The following CHST9 variants were observed in gnomAD, a reference collection of about 807,000 sequenced individuals.
CHST9 encodes carbohydrate sulfotransferase 9.
A neutral mutation model predicts 44.4 loss-of-function variants in CHST9; 41 were observed. That is an observed-to-expected ratio of 0.92 (90% CI 0.72 to 1.20). The LOEUF (loss-of-function observed/expected upper bound fraction) is 1.20, where lower values mean the gene tolerates loss of function less well. Ranked by LOEUF, CHST9 falls within the 50% of genes most tolerant of loss-of-function variation. The pLI is 0.00. For missense variants in CHST9, 504 were observed against 516.5 expected, an observed-to-expected ratio of 0.98 and a Z score of 0.23; for synonymous variants, 171 against 178.4, an observed-to-expected ratio of 0.96 and a Z score of 0.33.
intron 1 of CHST9, among the ~76,000 whole-genome samples, chr18:27,150,142 G>A (rs1223243510): frequency 7.8e-6 from 1 of 128,286 alleles, no homozygotes; most frequent in Non-Finnish European, 1.7e-5. Context: ...TTTTCTCTTT[G>A]TCACTTCCTT....
At chr18:27,000,905 C>T (rs74689581) in intron 4 of CHST9, among the ~76,000 whole-genome samples, 9,601 of 152,246 alleles carry the variant, frequency 0.063, 448 homozygotes, top group Middle Eastern at 0.13. Flanking sequence ...CCCCCCATCT[C>T]TGAATTGTCT....
intron 4 of CHST9, among the ~76,000 whole-genome samples, chr18:26,999,099 G>A (rs1290186649): frequency 6.6e-6 from 1 of 152,184 alleles, no homozygotes. Context: ...AATTAGGATG[G>A]ACAGCCTTTC....
At chr18:27,134,104 A>G (rs536074358) in intron 2 of CHST9, among the ~76,000 whole-genome samples, 1 of 152,336 alleles carries the variant, frequency 6.6e-6, no homozygotes, top group Admixed American at 6.5e-5. Context: ...GAAAGAAAAT[A>G]CAATTTCAAA....
chr18:27,132,813 A>G (rs2058483092), intron 2 of CHST9, among the ~76,000 whole-genome samples: 1 of 152,166 alleles, frequency 6.6e-6, no homozygotes, highest in Admixed American at 6.5e-5. Context: ...CTGGGAGTAA[A>G]TGGATCAAGG....
chr18:27,165,043 G>C (rs1944951365), intron 1 of CHST9, among the ~76,000 whole-genome samples: 1 of 152,168 alleles, frequency 6.6e-6, no homozygotes, highest in Non-Finnish European at 1.5e-5. Context: ...AAAGGAGAGA[G>C]AGAAAAGAAA....
chr18:27,138,198 T>C (rs190707612), intron 2 of CHST9, among the ~76,000 whole-genome samples: 1 of 152,330 alleles, frequency 6.6e-6, no homozygotes, highest in Admixed American at 6.5e-5. Flanking sequence ...TTTTCTCCCT[T>C]ACAATTCATT....
chr18:27,124,749 G>C (rs958743546), intron 2 of CHST9, among the ~76,000 whole-genome samples: 6 of 152,136 alleles, frequency 3.9e-5, no homozygotes, highest in African/African-American at 4.8e-5. Context: ...TCTGCCACTG[G>C]TTCAGTGAAT....
intron 2 of CHST9, among the ~76,000 whole-genome samples, chr18:27,055,460 G>C (rs1459312732): frequency 6.6e-6 from 1 of 152,144 alleles, no homozygotes; most frequent in Non-Finnish European, 1.5e-5. Context: ...GAAGGAGCTT[G>C]AAATGCTTCA....
intron 2 of CHST9, among the ~76,000 whole-genome samples, chr18:27,100,657 AT>A (rs2058162271): frequency 6.6e-6 from 1 of 152,234 alleles, no homozygotes; most frequent in African/African-American, 2.4e-5. Flanking sequence ...TAAATAAAAA[AT>A]AAGTTAATGT....
chr18:27,120,447 C>G (rs2058365182), intron 2 of CHST9, among the ~76,000 whole-genome samples: 1 of 152,096 alleles, frequency 6.6e-6, no homozygotes, highest in Non-Finnish European at 1.5e-5. Context: ...CCTTCTTGTT[C>G]TTAAGGTTGG....
At chr18:27,110,500 C>T (rs2058261956) in intron 2 of CHST9, among the ~76,000 whole-genome samples, 1 of 152,318 alleles carries the variant, frequency 6.6e-6, no homozygotes, top group East Asian at 1.9e-4. Flanking sequence ...CAAATTACTT[C>T]CAGTTCCCTG....
chr18:26,963,027 T>G (rs2056420092), intron 4 of CHST9, among the ~76,000 whole-genome samples: 1 of 152,142 alleles, frequency 6.6e-6, no homozygotes, highest in Admixed American at 6.5e-5. Flanking sequence ...GATGAGAAAA[T>G]TGAGGGTTCA....
intron 5 of CHST9, among the ~76,000 whole-genome samples, chr18:26,918,975 A>G (rs977627744): frequency 1.3e-5 from 2 of 152,180 alleles, no homozygotes; most frequent in African/African-American, 2.4e-5. Context: ...AGGCCTCACA[A>G]TCATGGCAGA....
At chr18:27,106,169 T>C (rs2058219643) in intron 2 of CHST9, among the ~76,000 whole-genome samples, 1 of 152,182 alleles carries the variant, frequency 6.6e-6, no homozygotes, top group African/African-American at 2.4e-5. Context: ...ACATTATTCT[T>C]AGTAATGGTT....
intron 2 of CHST9, among the ~76,000 whole-genome samples, chr18:27,122,360 A>G (rs2058381482): frequency 6.6e-6 from 1 of 152,238 alleles, no homozygotes; most frequent in Non-Finnish European, 1.5e-5. Context: ...AAAGCTTTAT[A>G]ATATTGCATT....
At chr18:26,951,031 T>C (rs943877199) in intron 4 of CHST9, among the ~76,000 whole-genome samples, 3 of 152,188 alleles carry the variant, frequency 2.0e-5, no homozygotes, top group Admixed American at 6.5e-5. Flanking sequence ...TCATCCCAGA[T>C]TTCTTAAATT....
chr18:27,009,958 A>G (rs2057063128), intron 4 of CHST9, among the ~76,000 whole-genome samples: 1 of 152,176 alleles, frequency 6.6e-6, no homozygotes, highest in Non-Finnish European at 1.5e-5. Flanking sequence ...TCTAAATTAA[A>G]CCAGCAAAAG....
intron 3 of CHST9, among the ~76,000 whole-genome samples, chr18:27,036,082 C>A (rs2143512931): frequency 6.6e-6 from 1 of 152,054 alleles, no homozygotes; most frequent in East Asian, 1.9e-4. Flanking sequence ...TATTCATGTG[C>A]CAAATTCAAA....
intron 1 of CHST9, among the ~76,000 whole-genome samples, chr18:27,151,802 A>T (rs974818941): frequency 8.5e-5 from 13 of 152,216 alleles, no homozygotes; most frequent in African/African-American, 2.9e-4. Context: ...AAGGGACCGC[A>T]GTCCTGCTGA....
Sources: allele counts gnomAD v4.1 joint callset (sites outside exome capture counted in the v4.1 genomes callset), GRCh38; gene constraint gnomAD v4.1.1; transcripts MANE v1.5; gene names NCBI Gene and HGNC (gene_info 2026-07-23, HGNC 2026-07-21).